KIAA0825: variants seen among roughly 807,000 people sequenced by gnomAD.
KIAA0825 encodes KIAA0825.
A neutral mutation model predicts 147.6 loss-of-function variants in KIAA0825; 119 were observed. That is an observed-to-expected ratio of 0.81 (90% CI 0.69 to 0.94). The LOEUF is 0.94. KIAA0825 is among the 40% of genes least tolerant of loss of function. KIAA0825 has a pLI of 0.00. For missense variants in KIAA0825, 1,381 were observed against 1,472.7 expected, an observed-to-expected ratio of 0.94 and a Z score of 1.02; for synonymous variants, 470 against 518.1, an observed-to-expected ratio of 0.91 and a Z score of 1.26.
At chr5:94,608,709 A>C (rs1230175193) in intron 1 of KIAA0825, among the ~76,000 whole-genome samples, 2 of 150,044 alleles carry the variant, frequency 1.3e-5, no homozygotes. Flanking sequence ...ATTGGGCTGT[A>C]ACTTCAATGA....
At chr5:94,168,321 A>G (rs1407220589) in intron 20 of KIAA0825, among the ~76,000 whole-genome samples, 6 of 152,154 alleles carry the variant, frequency 3.9e-5, no homozygotes, top group Non-Finnish European at 5.9e-5. Flanking sequence ...CTAATGCAGT[A>G]AAAGGAATCT....
At chr5:94,344,635 C>A (rs1018778804) in intron 20 of KIAA0825, among the ~76,000 whole-genome samples, 12 of 152,046 alleles carry the variant, frequency 7.9e-5, no homozygotes, top group Admixed American at 6.6e-4. Flanking sequence ...CATAATAGAC[C>A]AAAGGTAGAA....
chr5:94,279,250 C>T (rs917266173), intron 20 of KIAA0825, among the ~76,000 whole-genome samples: 2 of 151,762 alleles, frequency 1.3e-5, no homozygotes, highest in African/African-American at 2.4e-5. Context: ...ATATGAACTA[C>T]AAAAAAACTT....
chr5:94,383,426 A>G (rs1428727219), intron 20 of KIAA0825, among the ~76,000 whole-genome samples: 1 of 152,142 alleles, frequency 6.6e-6, no homozygotes, highest in Non-Finnish European at 1.5e-5. Flanking sequence ...CAATTCTACT[A>G]TGTTATTATC....
Position 94,484,837 on chromosome 5 carries a change from A to G in KIAA0825, c.1064T>C (p.Leu355Pro). Reference protein sequence around the residue: ...LSQLIKSFMKLEKGVQELFDE... With the variant: ...LSQLIKSFMKPEKGVQELFDE... Reference sequence around the variant, plus strand: ...AAACAATTCTTGAACACCTTTTTCCAGTTTCATAAAGGATTTTATGAGCTG... The same window carrying G: ...AAACAATTCTTGAACACCTTTTTCCGGTTTCATAAAGGATTTTATGAGCTG... The change falls in exon 6 of 21, where the codon CTG becomes CCG. Residue 355 changes from leucine (L) to proline (P), a missense_variant. Leu to Pro is a moderately conservative substitution (Grantham distance 98). Coordinates refer to ENST00000682413, the MANE Select transcript of KIAA0825 (RefSeq NM_001145678.3). The G allele has an allele frequency of 6.5e-7, 1 of 1,534,550 alleles. No homozygotes were observed. The highest frequency in any genetic ancestry group is 1.2e-5 in the South Asian group (1 of 81,944).
rs114448629 is a variant in KIAA0825 at position 94,161,530 on chromosome 5, C to G, written c.3711-7406G>C. 2.9e-3 allele frequency among the ~76,000 whole-genome samples: 444 copies of G among 152,266 alleles called. 3 individuals carry two copies. Among genetic ancestry groups the G allele is most frequent in the Non-Finnish European group, 4.6e-3 (315 of 68,008 alleles). ...CTTTGAGTCCTATAGTATCTAATGT[C>G]TGTGCTTATGGATATTAGGTCAATT... On this transcript the variant is annotated intron_variant, in intron 20 of 20. Coordinates refer to ENST00000682413, the MANE Select transcript of KIAA0825 (RefSeq NM_001145678.3).
intron 20 of KIAA0825, among the ~76,000 whole-genome samples, chr5:94,249,493 GC>G (rs1414315350): frequency 4.6e-5 from 7 of 152,098 alleles, no homozygotes; most frequent in Non-Finnish European, 1.0e-4. Context: ...GGTAGTGACA[GC>G]AGAGCACTAA....
At chr5:94,179,522 A>C (rs1769407933) in intron 20 of KIAA0825, among the ~76,000 whole-genome samples, 1 of 152,084 alleles carries the variant, frequency 6.6e-6, no homozygotes, top group Non-Finnish European at 1.5e-5. Context: ...AACCACACAT[A>C]TATTTCCTCA....
At chr5:94,581,669 A>G (rs1179487197) in intron 2 of KIAA0825, among the ~76,000 whole-genome samples, 1 of 152,202 alleles carries the variant, frequency 6.6e-6, no homozygotes, top group Non-Finnish European at 1.5e-5. Context: ...TATTATTTAA[A>G]TATACTTTTT....
intron 1 of KIAA0825, among the ~76,000 whole-genome samples, chr5:94,603,278 C>G (rs903841906): frequency 2.0e-5 from 3 of 152,158 alleles, no homozygotes; most frequent in African/African-American, 7.2e-5. Flanking sequence ...ATTTAGCATT[C>G]TTAAAGAAAA....
intron 20 of KIAA0825, among the ~76,000 whole-genome samples, chr5:94,165,802 A>G (rs535472439): frequency 6.6e-6 from 1 of 152,318 alleles, no homozygotes; most frequent in South Asian, 2.1e-4. Context: ...CTAAAAATCA[A>G]AACAATTGAA....
At chr5:94,299,573 T>C (rs893264049) in intron 20 of KIAA0825, among the ~76,000 whole-genome samples, 4 of 152,240 alleles carry the variant, frequency 2.6e-5, no homozygotes, top group South Asian at 2.1e-4. Context: ...GGTTAACATA[T>C]AGCATTACTC....
intron 20 of KIAA0825, among the ~76,000 whole-genome samples, chr5:94,327,060 C>T (rs919467463): frequency 1.3e-5 from 2 of 152,142 alleles, no homozygotes; most frequent in South Asian, 2.1e-4. Context: ...AGAAGCTGAA[C>T]GCTGGTGTTT....
chr5:94,485,049 C>T (rs1383873285), intron 5 of KIAA0825, 119 bp from the exon 6 acceptor site: 1 of 587,984 alleles, frequency 1.7e-6, no homozygotes, highest in Non-Finnish European at 2.6e-6. Context: ...CATAATTAAA[C>T]CAAATTAGTT....
At chr5:94,561,708 T>C (rs1345797798) in intron 2 of KIAA0825, among the ~76,000 whole-genome samples, 1 of 152,256 alleles carries the variant, frequency 6.6e-6, no homozygotes, top group Non-Finnish European at 1.5e-5. Context: ...TTGTTTTATA[T>C]ACATATAGTT....
rs557858015 is a variant in KIAA0825, at chr5:94,462,634, T to C, written c.2064-65A>G. ...TAATGTCTCTGCTTGGTAGGCACTTTCATTCATATCTCTTGTACTAAGCAT... is the reference window on the plus strand; with the variant it reads ...TAATGTCTCTGCTTGGTAGGCACTTCCATTCATATCTCTTGTACTAAGCAT... On this transcript the variant is annotated intron_variant, in intron 11 of 20. Coordinates refer to ENST00000682413, the MANE Select transcript of KIAA0825 (RefSeq NM_001145678.3). 1.7e-4 allele frequency: 150 copies of C among 887,036 alleles called. 3 individuals carry two copies. In the South Asian group the frequency reaches 2.9e-3, roughly 17 times the overall value. The allele number at this position is 887,036 out of a possible 1,614,324, so 54.9% of individuals were successfully genotyped here.
chr5:94,475,830 G>T (rs1251946180), intron 7 of KIAA0825, among the ~76,000 whole-genome samples: 1 of 151,034 alleles, frequency 6.6e-6, no homozygotes, highest in African/African-American at 2.4e-5. Flanking sequence ...GAAAAGAAAA[G>T]AAAAGAAAAC....
chr5:94,429,728 C>T (rs553341562), intron 14 of KIAA0825, among the ~76,000 whole-genome samples: 3 of 152,290 alleles, frequency 2.0e-5, no homozygotes, highest in Admixed American at 2.0e-4. Flanking sequence ...ACAGGTTCCC[C>T]GATGTCAGGC....
At chr5:94,215,151 T>C (rs1773085713) in intron 20 of KIAA0825, among the ~76,000 whole-genome samples, 1 of 151,950 alleles carries the variant, frequency 6.6e-6, no homozygotes. Flanking sequence ...GATGGAATGA[T>C]GGTCAAGGAA....
Sources: gnomAD v4.1 joint callset for allele counts (sites outside exome capture counted in the v4.1 genomes callset) on GRCh38, gnomAD v4.1.1 for gene constraint, MANE v1.5 for transcripts, NCBI Gene and HGNC (gene_info 2026-07-23, HGNC 2026-07-21) for gene names.